NOL4: variants seen among roughly 807,000 people sequenced by gnomAD.
NOL4 encodes the protein cancer/testis antigen 125.
In NOL4, 17 loss-of-function variants were observed where a neutral mutation model predicts 75.9. The observed-to-expected ratio is 0.22, with a 90% CI of 0.15 to 0.34. The LOEUF is 0.34. Ranked by LOEUF, NOL4 falls within the 10% of genes least tolerant of loss-of-function variation. The probability of loss-of-function intolerance (pLI) is 1.00; values close to 1 mark genes in which losing one functional copy is unlikely to be tolerated. For synonymous variants in NOL4, 292 were observed against 289.9 expected (o/e 1.01, Z -0.07); for missense variants, 614 against 793.5 (o/e 0.77, Z 2.72).
At chr18:34,222,736 A>AG (rs1285699065) in intron 1 of NOL4, among the ~76,000 whole-genome samples, 2 of 151,718 alleles carry the variant, frequency 1.3e-5, no homozygotes, top group Admixed American at 1.3e-4. Flanking sequence ...CCGGTCCGGG[A>AG]ACCCGAGGCG....
At chr18:34,057,333 C>G (rs1360222175) in intron 5 of NOL4, among the ~76,000 whole-genome samples, 1 of 152,168 alleles carries the variant, frequency 6.6e-6, no homozygotes, top group Non-Finnish European at 1.5e-5. Context: ...ATTTATTCAC[C>G]TGGTGCTCAG....
chr18:33,918,177 G>C (rs1235745853), intron 9 of NOL4, among the ~76,000 whole-genome samples: 1 of 152,180 alleles, frequency 6.6e-6, no homozygotes, highest in Non-Finnish European at 1.5e-5. Context: ...AATGAGTACT[G>C]ATAGATTCAT....
At position 34,181,065 on chromosome 18, in the gene NOL4, A is replaced by ATT. The variant is rs567043255; in HGVS notation, c.264+41923_264+41924dup. Among the ~76,000 whole-genome samples, 27 of 151,656 alleles carry ATT rather than the reference A, an allele frequency of 1.8e-4. No individual in the cohort carries two copies. In the South Asian group the frequency reaches 5.6e-3, roughly 31 times the overall value. ...GTCTTTTTTTGGAAGGAGGCCAAAA[A>ATT]TTGGCAGGCTAATTCTAAATTTCAT... On this transcript the variant is annotated intron_variant, in intron 1 of 10. Coordinates refer to ENST00000261592, the MANE Select transcript of NOL4 (RefSeq NM_003787.5).
At chr18:33,973,480 G>A (rs1269586705) in intron 6 of NOL4, among the ~76,000 whole-genome samples, 4 of 152,032 alleles carry the variant, frequency 2.6e-5, no homozygotes, top group East Asian at 1.9e-4. Flanking sequence ...TGTTTATAAC[G>A]GTATATGGAA....
intron 9 of NOL4, among the ~76,000 whole-genome samples, chr18:33,899,346 T>C: frequency 6.6e-6 from 1 of 152,162 alleles, no homozygotes; most frequent in East Asian, 1.9e-4. Context: ...TTTTAGGATG[T>C]TAGTCCCCCA....
In NOL4 at chr18:33,900,299, GA is replaced by G. The variant is rs1043793970; in HGVS notation, c.1543-16876del. On this transcript the variant is annotated intron_variant, in intron 9 of 10. Transcript: ENST00000261592. ...ACTGAGAATCACTCATTACTGTGAG[GA>G]CAGCACTAAGCAATTCATGAGGGGT... Among the ~76,000 whole-genome samples, 20 of 152,050 alleles carry G rather than the reference GA, an allele frequency of 1.3e-4. 1 individual carries two copies. The highest frequency in any genetic ancestry group is 1.2e-3 in the Admixed American group (18 of 15,246).
At chr18:33,961,232 G>T (rs2070099456) in intron 6 of NOL4, among the ~76,000 whole-genome samples, 1 of 152,078 alleles carries the variant, frequency 6.6e-6, no homozygotes, top group Non-Finnish European at 1.5e-5. Context: ...ATTTCCAGGT[G>T]TGTCTGTGAG....
chr18:34,032,548 T>C lies in NOL4; in HGVS notation c.773-12947A>G, dbSNP rs150089577. Among the ~76,000 whole-genome samples the C allele has an allele frequency of 2.5e-3, 374 of 152,282 alleles. 5 individuals are homozygous for C. The highest frequency in any genetic ancestry group is 7.7e-3 in the African/African-American group (320 of 41,562). On this transcript the variant is annotated intron_variant, in intron 5 of 10. Coordinates refer to ENST00000261592, the MANE Select transcript of NOL4 (RefSeq NM_003787.5). ...GCTACCACCACAGCTGGCATCTATC[T>C]GCACATAGCACCTGTGAGCATTGAG...
At chr18:34,101,837 T>C (rs1281863151) in intron 4 of NOL4, among the ~76,000 whole-genome samples, 1 of 152,048 alleles carries the variant, frequency 6.6e-6, no homozygotes, top group African/African-American at 2.4e-5. Context: ...ATGACTTCTC[T>C]GCTCAAAACC....
chr18:34,122,547 A>G (rs1568368021), intron 2 of NOL4, among the ~76,000 whole-genome samples: 1 of 152,148 alleles, frequency 6.6e-6, no homozygotes, highest in Non-Finnish European at 1.5e-5. Flanking sequence ...GTTTGAAGCA[A>G]TTATTATGTT....
chr18:34,101,170 C>T (rs1181877523), intron 4 of NOL4, among the ~76,000 whole-genome samples: 1 of 152,136 alleles, frequency 6.6e-6, no homozygotes, highest in Non-Finnish European at 1.5e-5. Context: ...TTAAATCCAA[C>T]TAAAATGTAT....
chr18:33,929,260 T>C (rs1444579989), intron 9 of NOL4, among the ~76,000 whole-genome samples: 1 of 152,152 alleles, frequency 6.6e-6, no homozygotes, highest in Non-Finnish European at 1.5e-5. Flanking sequence ...GTTTCCTCCA[T>C]AAGAAACTGC....
chr18:34,072,046 G>A (rs1400049131), intron 5 of NOL4, among the ~76,000 whole-genome samples: 3 of 152,002 alleles, frequency 2.0e-5, no homozygotes, highest in Non-Finnish European at 4.4e-5. Flanking sequence ...GCCTGACCAA[G>A]ATGGTGAAAC....
At chr18:34,150,407 T>C (rs530436958) in intron 1 of NOL4, among the ~76,000 whole-genome samples, 40 of 151,714 alleles carry the variant, frequency 2.6e-4, no homozygotes, top group East Asian at 1.9e-4. Context: ...ATCAGTAGGA[T>C]AGAATAGAGA....
chr18:34,203,429 CCA>C (rs540989695), intron 1 of NOL4, among the ~76,000 whole-genome samples: 2 of 150,994 alleles, frequency 1.3e-5, no homozygotes, highest in Non-Finnish European at 1.5e-5. Flanking sequence ...TGCAGACACA[CCA>C]CACACACACA....
intron 1 of NOL4, among the ~76,000 whole-genome samples, chr18:34,154,572 A>T (rs2029988319): frequency 6.6e-6 from 1 of 152,064 alleles, no homozygotes; most frequent in African/African-American, 2.4e-5. Context: ...GTTATTTAAC[A>T]ATTTTTTTCA....
At chr18:33,911,801 A>G (rs1237401410) in intron 9 of NOL4, among the ~76,000 whole-genome samples, 1 of 152,132 alleles carries the variant, frequency 6.6e-6, no homozygotes, top group African/African-American at 2.4e-5. Flanking sequence ...AAAAACTGAA[A>G]AAAGGCCTGC....
chr18:33,928,057 G>T lies in NOL4; in HGVS notation c.1542+15008C>A, dbSNP rs189421716. ...GATTGAGGAGAAAGGACAGGGCAAG[G>T]AATGAACAAATTATGAGAAATAAAT... On this transcript the variant is annotated intron_variant, in intron 9 of 10. Coordinates refer to ENST00000261592, the MANE Select transcript of NOL4 (RefSeq NM_003787.5). Among the ~76,000 whole-genome samples, 18 of 152,280 alleles carry T rather than the reference G, an allele frequency of 1.2e-4. No individual in the cohort carries two copies. The East Asian group carries it at 3.5e-3, about 29-fold the overall frequency.
intron 1 of NOL4, among the ~76,000 whole-genome samples, chr18:34,161,325 T>C (rs2146177094): frequency 6.6e-6 from 1 of 152,294 alleles, no homozygotes; most frequent in Non-Finnish European, 1.5e-5. Context: ...CTTTGATAGA[T>C]ACCCAGTAGT....
Sources: allele counts gnomAD v4.1 joint callset (sites outside exome capture counted in the v4.1 genomes callset), GRCh38; gene constraint gnomAD v4.1.1; transcripts MANE v1.5; gene names NCBI Gene and HGNC (gene_info 2026-07-23, HGNC 2026-07-21).